The following QTRT1 variants were observed in gnomAD, a reference collection of about 807,000 sequenced individuals.
The protein encoded by QTRT1 is queuine tRNA-ribosyltransferase catalytic subunit 1.
Under a neutral mutation model 44.0 loss-of-function variants are expected in QTRT1, and 41 were observed. The observed-to-expected ratio is 0.93, with a 90% CI of 0.73 to 1.21. QTRT1 has a LOEUF of 1.21. Ranked by LOEUF, QTRT1 falls within the 50% of genes most tolerant of loss-of-function variation. QTRT1 has a pLI of 0.00. For missense variants in QTRT1, 542 were observed against 575.8 expected, an observed-to-expected ratio of 0.94 and a Z score of 0.60; for synonymous variants, 226 against 237.1, an observed-to-expected ratio of 0.95 and a Z score of 0.43.
rs557855264 is a variant in QTRT1, at chr19:10,713,094, C to A, written c.1060-24C>A. 1 of 1,608,620 alleles carries A rather than the reference C, an allele frequency of 6.2e-7. No homozygotes were observed. Among genetic ancestry groups the A allele is most frequent in the Non-Finnish European group, 8.5e-7 (1 of 1,179,648 alleles). On this transcript the variant is annotated intron_variant, in intron 9 of 9. Coordinates refer to ENST00000250237, the MANE Select transcript of QTRT1 (RefSeq NM_031209.3). This position sits in a 1 kb window ranked among gnomAD's most constrained non-coding sequence, Gnocchi z 4.3. ...GGGGGTGTCCTAGGTGCGTATGCCC[C>A]ACGCTGACCTCCCCTCCCCGCAGCT... is the stretch of plus-strand genomic sequence containing the variant.
chr19:10,707,783 G>C (rs2068721326), intron 5 of QTRT1, among the ~76,000 whole-genome samples, 168 bp downstream of exon 5: 2 of 152,074 alleles, frequency 1.3e-5, no homozygotes, highest in African/African-American at 4.8e-5. Context: ...TTGAGAGAAT[G>C]GCCATGATTC....
Position 10,712,208 on chromosome 19 carries a change from G to C in QTRT1, c.694G>C (p.Gly232Arg), listed in dbSNP as rs774006414. Residue 232 changes from glycine (G) to arginine (R), a missense_variant, in exon 6 of 10, where the codon GGG becomes CGG. Physicochemically the swap from Gly to Arg is moderately radical, Grantham distance 125. Transcript: ENST00000250237. This position sits in a 1 kb window ranked among gnomAD's most constrained non-coding sequence, Gnocchi z 5.6. ...VPGFAIGGLS[G>R]GESKSQFWRM... ...TGGCTTCGCCATCGGGGGCCTGAGC[G>C]GGGGTGAGAGCAAGTCGCAGTTCTG... The C allele has an allele frequency of 3.1e-6, 5 of 1,613,898 alleles. No homozygotes were observed. The highest frequency in any genetic ancestry group is 1.1e-5 in the South Asian group (1 of 91,066).
At chr19:10,704,025 T>G (rs956946339) in intron 3 of QTRT1, among the ~76,000 whole-genome samples, 7 of 150,852 alleles carry the variant, frequency 4.6e-5, no homozygotes, top group Admixed American at 1.3e-4. Flanking sequence ...TTTTGTATTT[T>G]TAGTAGAGAC....
At chr19:10,703,683 T>C (rs953537459) in intron 3 of QTRT1, among the ~76,000 whole-genome samples, 5 of 151,410 alleles carry the variant, frequency 3.3e-5, no homozygotes, top group African/African-American at 1.2e-4. Context: ...CACACCCAGC[T>C]AATTTTTGTA....
intron 1 of QTRT1, 78 bp from the exon 2 acceptor site, chr19:10,701,872 C>T: frequency 6.3e-7 from 1 of 1,581,644 alleles, no homozygotes; most frequent in Non-Finnish European, 8.7e-7. Context: ...GGGACTAAAG[C>T]TGGCCAGATC....
chr19:10,712,666 G>A lies in QTRT1; in HGVS notation c.861+38G>A, dbSNP rs1462071095. On this transcript the variant is annotated intron_variant, in intron 7 of 9. Transcript: ENST00000250237. The surrounding 1 kb of genome is among the most constrained non-coding windows in gnomAD (Gnocchi z 5.6). ...CAGAAGGAGGTCAGGGCGGGAGACG[G>A]GTGGGGGACTAGGGAGGCAAGGTTA... 7.6e-7 allele frequency: 1 copy of A among 1,323,624 alleles called. No homozygotes were observed. The highest frequency in any genetic ancestry group is 1.5e-5 in the African/African-American group (1 of 65,302). The allele number at this position is 1,323,624 out of a possible 1,614,324, so 82.0% of individuals were successfully genotyped here.
intron 5 of QTRT1, among the ~76,000 whole-genome samples, chr19:10,710,855 G>A (rs988616941): frequency 1.7e-4 from 26 of 150,700 alleles, no homozygotes; most frequent in African/African-American, 5.1e-4. Flanking sequence ...CCCGGGAGGC[G>A]AGGGTTGCAG....
rs534533772 is a variant in QTRT1 at position 10,712,499 on chromosome 19, C to G, written c.786-54C>G. The G allele has an allele frequency of 6.5e-7, 1 of 1,529,602 alleles. No individual in the cohort carries two copies. Among genetic ancestry groups the G allele is most frequent in the East Asian group, 2.2e-5 (1 of 44,474 alleles). The allele number at this position is 1,529,602 out of a possible 1,614,324, so 94.8% of individuals were successfully genotyped here. The stretch of plus-strand genomic sequence containing the variant: ...GGGGCAGTGTGAGGGTTGGGAGGGG[C>G]CCTGGGAAGCCCCTGAGGTTCTCTG... On this transcript the variant is annotated intron_variant, in intron 6 of 9. Coordinates refer to ENST00000250237, the MANE Select transcript of QTRT1 (RefSeq NM_031209.3). This position sits in a 1 kb window ranked among gnomAD's most constrained non-coding sequence, Gnocchi z 5.6.
chr19:10,705,486 G>T (rs888733675), intron 3 of QTRT1, among the ~76,000 whole-genome samples: 1 of 152,018 alleles, frequency 6.6e-6, no homozygotes, highest in Non-Finnish European at 1.5e-5. Context: ...TGATCCACCC[G>T]TCTCGGCCTC....
intron 3 of QTRT1, 108 bp downstream of exon 3, chr19:10,702,362 C>A: frequency 7.7e-7 from 1 of 1,291,852 alleles, no homozygotes; most frequent in Middle Eastern, 2.8e-4. Context: ...TCACTCCTCG[C>A]TGAGCTTCAG....
In QTRT1 at chr19:10,708,201, G is replaced by A. The variant is rs113173743; in HGVS notation, c.646+586G>A. On this transcript the variant is annotated intron_variant, in intron 5 of 9. Transcript: ENST00000250237. ...GCTGGTTTCAAACTCCTGACCTTGT[G>A]ATCTGCCTGCCTCGGCCTCCCAAAG... is the stretch of plus-strand genomic sequence containing the variant. 1.6e-3 allele frequency among the ~76,000 whole-genome samples: 239 copies of A among 152,138 alleles called. 1 individual carries two copies. The highest frequency in any genetic ancestry group is 5.7e-3 in the African/African-American group (235 of 41,512).
intron 3 of QTRT1, among the ~76,000 whole-genome samples, chr19:10,702,759 CTTTTTTTTTTTTTTTTTTT>C (rs34948949): frequency 4.4e-5 from 3 of 68,482 alleles, no homozygotes; most frequent in Non-Finnish European, 8.0e-5. Context: ...CAATATCCTT[CTTTTTTTTTTTTTTTTTTT>C]TTTTTTTTGA....
chr19:10,712,597 T>C lies in QTRT1; in HGVS notation c.830T>C (p.Met277Thr). ...LVVCVALGCD[M>T]FDCVFPTRTA... ...GTCTGCGTGGCTCTTGGATGTGACA[T>C]GTTCGACTGCGTCTTCCCCACACGG... Residue 277 changes from methionine to threonine, a missense_variant, in exon 7 of 10, where the codon ATG becomes ACG. By Grantham distance (81) the Met-to-Thr change is moderately conservative. Coordinates refer to ENST00000250237, the MANE Select transcript of QTRT1 (RefSeq NM_031209.3). This position sits in a 1 kb window ranked among gnomAD's most constrained non-coding sequence, Gnocchi z 5.6. 1 of 1,610,872 alleles carries C rather than the reference T, an allele frequency of 6.2e-7. No individual in the cohort carries two copies. Among genetic ancestry groups the C allele is most frequent in the Non-Finnish European group, 8.5e-7 (1 of 1,178,650 alleles).
rs371698625 is a variant in QTRT1 at position 10,712,997 on chromosome 19, C to T, written c.1016C>T (p.Thr339Met). 28 of 1,612,088 alleles carry T rather than the reference C, an allele frequency of 1.7e-5. No homozygotes were observed. The South Asian group carries it at 1.8e-4, about 10-fold the overall frequency. Residue 339 changes from threonine (T) to methionine (M), a missense_variant, in exon 9 of 10, where the codon ACG becomes ATG. Transcript: ENST00000250237. This position sits in a 1 kb window ranked among gnomAD's most constrained non-coding sequence, Gnocchi z 5.6. ...FLHALLHSDNTAALHHLTVHN... is the reference protein window; with the variant it reads ...FLHALLHSDNMAALHHLTVHN... The stretch of plus-strand genomic sequence containing the variant: ...CACGCACTGCTGCACAGTGACAACA[C>T]GGCCGCGCTGCACCACCTCACGGTC...
chr19:10,711,888 G>A (rs968436018), intron 5 of QTRT1: 1 of 556,732 alleles, frequency 1.8e-6, no homozygotes, highest in Non-Finnish European at 3.2e-6. Flanking sequence ...TCTGAGTACT[G>A]AAGGAAAAGG....
intron 3 of QTRT1, among the ~76,000 whole-genome samples, chr19:10,703,022 G>T (rs375694731): frequency 6.7e-6 from 1 of 149,596 alleles, no homozygotes; most frequent in South Asian, 2.1e-4. Context: ...GCCTGCCTCG[G>T]CCTCCCAGAG....
chr19:10,702,128 T>G lies in QTRT1; in HGVS notation c.325T>G (p.Phe109Val). 6.2e-7 allele frequency: 1 copy of G among 1,614,146 alleles called. No homozygotes were observed. The highest frequency in any genetic ancestry group is 8.5e-7 in the Non-Finnish European group (1 of 1,180,036). The change falls in exon 3 of 10, where the codon TTC becomes GTC. Residue 109 changes from phenylalanine to valine, a missense_variant. Physicochemically the swap from Phe to Val is conservative, Grantham distance 50. Coordinates refer to ENST00000250237, the MANE Select transcript of QTRT1 (RefSeq NM_031209.3). ...PHNLLTDSGG[F>V]QMVSLVSLSE... ...GGGTTTCCCTTAGGACAGCGGCGGT[T>G]TCCAGATGGTGTCGCTGGTGTCTCT...
chr19:10,707,475 G>C, intron 4 of QTRT1, 25 bp from the exon 5 acceptor site: 5 of 1,609,148 alleles, frequency 3.1e-6, no homozygotes, highest in Non-Finnish European at 4.3e-6. Flanking sequence ...GGCCCCTGGG[G>C]CTTGTGACTG....
At chr19:10,709,395 G>T (rs934487200) in intron 5 of QTRT1, 9 of 152,208 alleles carry the variant, frequency 5.9e-5, no homozygotes, top group African/African-American at 2.2e-4. Context: ...CAGTCTGGGT[G>T]ACATAGTGAG....
Sources: allele counts gnomAD v4.1 joint callset (sites outside exome capture counted in the v4.1 genomes callset), GRCh38; gene constraint gnomAD v4.1.1; non-coding constraint Gnocchi (gnomAD v3.1); transcripts MANE v1.5; gene names NCBI Gene and HGNC (gene_info 2026-07-23, HGNC 2026-07-21).